Variants in SMOC2 observed in about 807,000 individuals in gnomAD.
SMOC2 encodes the protein SPARC-related modular calcium-binding protein 2.
A neutral mutation model predicts 61.4 loss-of-function variants in SMOC2; 39 were observed. The ratio of observed to expected loss-of-function variants is 0.64; its 90% confidence interval spans 0.49 to 0.83. The LOEUF (loss-of-function observed/expected upper bound fraction) is 0.83, where lower values mean the gene tolerates loss of function less well. Among genes scored for constraint, SMOC2 ranks in the 40% least tolerant of loss-of-function variants. SMOC2 has a pLI of 0.00. For missense variants in SMOC2, 556 were observed against 592.9 expected (o/e 0.94, Z 0.65); for synonymous variants, 247 against 239.9 (o/e 1.03, Z -0.27).
chr6:168,628,309 A>G (rs966050437), intron 9 of SMOC2, among the ~76,000 whole-genome samples: 1 of 152,166 alleles, frequency 6.6e-6, no homozygotes, highest in African/African-American at 2.4e-5. Flanking sequence ...CTACCTCCCA[A>G]ATAAAAACCG....
intron 7 of SMOC2, among the ~76,000 whole-genome samples, chr6:168,575,206 C>G (rs997416921): frequency 6.6e-6 from 1 of 152,124 alleles, no homozygotes; most frequent in Non-Finnish European, 1.5e-5. Context: ...CCGAGTGGCT[C>G]GCTTTTGCTG....
At chr6:168,496,550 G>A (rs1252384135) in intron 1 of SMOC2, among the ~76,000 whole-genome samples, 5 of 152,198 alleles carry the variant, frequency 3.3e-5, no homozygotes, top group African/African-American at 4.8e-5. Flanking sequence ...AGTTGCAGAC[G>A]GGACCAATCG....
chr6:168,570,561 G>A (rs1235821615), intron 7 of SMOC2, among the ~76,000 whole-genome samples: 4 of 152,196 alleles, frequency 2.6e-5, no homozygotes, highest in Non-Finnish European at 5.9e-5. Context: ...CTTTTGAAAA[G>A]TGTTGTCCAT....
chr6:168,486,663 A>G (rs1782347701), intron 1 of SMOC2, among the ~76,000 whole-genome samples: 1 of 151,682 alleles, frequency 6.6e-6, no homozygotes, highest in South Asian at 2.1e-4. Context: ...CGATTCACCA[A>G]TGGATCAGTA....
chr6:168,617,587 C>G (rs1446964545), intron 9 of SMOC2, among the ~76,000 whole-genome samples: 3 of 152,328 alleles, frequency 2.0e-5, no homozygotes, highest in Admixed American at 2.0e-4. Context: ...CAAGTCCTGT[C>G]TCTGCTCCAA....
chr6:168,578,033 C>A (rs1784846872), intron 7 of SMOC2, among the ~76,000 whole-genome samples: 1 of 152,336 alleles, frequency 6.6e-6, no homozygotes, highest in South Asian at 2.1e-4. Context: ...GAAGTCACCT[C>A]ACTCTCCTAC....
intron 1 of SMOC2, among the ~76,000 whole-genome samples, chr6:168,482,713 G>C (rs2115024817): frequency 6.6e-6 from 1 of 152,210 alleles, no homozygotes; most frequent in East Asian, 1.9e-4. Context: ...CCATGATCAT[G>C]TGGGATTTAT....
intron 1 of SMOC2, among the ~76,000 whole-genome samples, chr6:168,465,564 A>G (rs1038962351): frequency 6.6e-6 from 1 of 151,942 alleles, no homozygotes; most frequent in Non-Finnish European, 1.5e-5. Flanking sequence ...TGTATTTGTG[A>G]TTGTTAAAAA....
In SMOC2 at chr6:168,599,000, A is replaced by G. The variant is rs994887921; in HGVS notation, c.820A>G (p.Thr274Ala). The G allele has an allele frequency of 1.9e-5, 30 of 1,598,742 alleles. No individual in the cohort carries two copies. The African/African-American group carries it at 3.8e-4, about 20-fold the overall frequency. Residue 274 changes from threonine (T) to alanine (A), a missense_variant, in exon 8 of 13, where the codon ACA becomes GCA. Thr to Ala is a moderately conservative substitution (Grantham distance 58). Coordinates refer to ENST00000356284, the MANE Select transcript of SMOC2 (RefSeq NM_001166412.2). ...GGGGCGCCCCATTCCCGGCACATCCACAAGGTAAATAGGGTGCACCCACCC... is the reference window on the plus strand; with the variant it reads ...GGGGCGCCCCATTCCCGGCACATCCGCAAGGTAAATAGGGTGCACCCACCC... ...DTGRPIPGTS[T>A]RYEQPKCDNT...
intron 8 of SMOC2, among the ~76,000 whole-genome samples, chr6:168,599,924 C>T (rs1393966459): frequency 6.7e-6 from 1 of 148,574 alleles, no homozygotes; most frequent in Admixed American, 6.7e-5. Context: ...CACACACTCC[C>T]CTCTCATACA....
intron 7 of SMOC2, among the ~76,000 whole-genome samples, chr6:168,560,139 C>T (rs952480629): frequency 1.1e-4 from 17 of 152,150 alleles, no homozygotes; most frequent in African/African-American, 4.1e-4. Context: ...AGCTCTGTTA[C>T]TTTATATTTA....
chr6:168,464,565 A>ATTT (rs35363708), intron 1 of SMOC2, among the ~76,000 whole-genome samples: 2 of 149,678 alleles, frequency 1.3e-5, no homozygotes, highest in African/African-American at 4.9e-5. Flanking sequence ...TAGGATTTTC[A>ATTT]TTTTTTTTTT....
chr6:168,656,704 T>C (rs1306224821), intron 11 of SMOC2, among the ~76,000 whole-genome samples: 1 of 151,992 alleles, frequency 6.6e-6, no homozygotes, highest in Non-Finnish European at 1.5e-5. Flanking sequence ...AGTCACTCAG[T>C]GCTGTTCAAC....
At chr6:168,454,952 C>T (rs961399834) in intron 1 of SMOC2, among the ~76,000 whole-genome samples, 1 of 151,772 alleles carries the variant, frequency 6.6e-6, no homozygotes, top group Non-Finnish European at 1.5e-5. Flanking sequence ...CGAGGGTCGG[C>T]GCTGGCCCAA....
chr6:168,603,340 G>A (rs554429701), intron 8 of SMOC2, among the ~76,000 whole-genome samples: 161 of 151,322 alleles, frequency 1.1e-3, no homozygotes, highest in African/African-American at 3.7e-3. Flanking sequence ...TCATAGGGGT[G>A]GGGCAGATGG....
chr6:168,530,739 G>T (rs1297625180), intron 4 of SMOC2, among the ~76,000 whole-genome samples: 1 of 151,210 alleles, frequency 6.6e-6, no homozygotes, highest in Non-Finnish European at 1.5e-5. Context: ...GGTGGGAACT[G>T]GTACTGCCCT....
intron 2 of SMOC2, among the ~76,000 whole-genome samples, chr6:168,514,696 G>T (rs1467570896): frequency 3.4e-5 from 5 of 146,254 alleles, no homozygotes; most frequent in Admixed American, 2.8e-4. Flanking sequence ...GGAAACAAGC[G>T]CTGTAGAAGT....
At chr6:168,631,044 A>G (rs1401713127) in intron 9 of SMOC2, among the ~76,000 whole-genome samples, 1 of 151,986 alleles carries the variant, frequency 6.6e-6, no homozygotes, top group African/African-American at 2.4e-5. Flanking sequence ...ATATTCTATT[A>G]CCCTGTTAAG....
At chr6:168,599,364 C>T (rs1230726888) in intron 8 of SMOC2, among the ~76,000 whole-genome samples, 5 of 144,150 alleles carry the variant, frequency 3.5e-5, no homozygotes, top group Admixed American at 7.0e-5. Flanking sequence ...CACACGCACA[C>T]AATCATACCA....
Sources: allele counts gnomAD v4.1 joint callset (sites outside exome capture counted in the v4.1 genomes callset), GRCh38; gene constraint gnomAD v4.1.1; transcripts MANE v1.5; gene names NCBI Gene and HGNC (gene_info 2026-07-23, HGNC 2026-07-21).